Variants in KLHL1 observed in about 807,000 individuals in gnomAD.
KLHL1 encodes the protein kelch-like protein 1.
Under a neutral mutation model 77.7 loss-of-function variants are expected in KLHL1, and 47 were observed. The ratio of observed to expected loss-of-function variants is 0.60; its 90% CI spans 0.48 to 0.77. The LOEUF is 0.77. Ranked by LOEUF, KLHL1 falls within the 30% of genes least tolerant of loss-of-function variation. KLHL1 has a pLI of 0.00. For synonymous variants in KLHL1, 360 were observed against 325.2 expected (o/e 1.11, Z -1.15); for missense variants, 925 against 910.8 (o/e 1.02, Z -0.20).
intron 1 of KLHL1, among the ~76,000 whole-genome samples, chr13:69,984,786 A>T (rs1300309529): frequency 6.6e-6 from 1 of 152,086 alleles, no homozygotes; most frequent in Non-Finnish European, 1.5e-5. Flanking sequence ...ACCCCAAACA[A>T]TGCCACTTCA....
intron 1 of KLHL1, among the ~76,000 whole-genome samples, chr13:70,098,904 T>C (rs1887855878): frequency 6.6e-6 from 1 of 151,906 alleles, no homozygotes; most frequent in Non-Finnish European, 1.5e-5. Flanking sequence ...TTTTCCATTT[T>C]TTAGGACACC....
At chr13:69,936,780 T>C (rs1210101809) in intron 4 of KLHL1, among the ~76,000 whole-genome samples, 1 of 152,034 alleles carries the variant, frequency 6.6e-6, no homozygotes, top group Non-Finnish European at 1.5e-5. Context: ...ACTGAAGATT[T>C]CAACCTTCAT....
chr13:69,939,422 T>C (rs1369320383), intron 4 of KLHL1, among the ~76,000 whole-genome samples: 2 of 132,770 alleles, frequency 1.5e-5, no homozygotes, highest in Non-Finnish European at 3.2e-5. Flanking sequence ...AAGGGAAAAA[T>C]ATAAAATAGG....
At chr13:69,876,551 A>G (rs74573917) in intron 5 of KLHL1, among the ~76,000 whole-genome samples, 3,829 of 152,300 alleles carry the variant, frequency 0.025, 54 homozygotes, top group Admixed American at 0.038. Flanking sequence ...ATTAAACCAT[A>G]TTCCTCTAAA....
At chr13:70,021,603 A>G (rs1180582943) in intron 1 of KLHL1, among the ~76,000 whole-genome samples, 1 of 152,070 alleles carries the variant, frequency 6.6e-6, no homozygotes, top group Non-Finnish European at 1.5e-5. Context: ...CTCCCAAAGT[A>G]GCTGTGCTAT....
At chr13:69,972,556 T>C (rs964790641) in intron 2 of KLHL1, among the ~76,000 whole-genome samples, 1 of 151,860 alleles carries the variant, frequency 6.6e-6, no homozygotes, top group Non-Finnish European at 1.5e-5. Context: ...CACCCCTTCT[T>C]TCCTCATTAT....
rs544665101 is a variant in KLHL1, at chr13:69,800,956, ATT to A, written c.1415-3996_1415-3995del. The stretch of plus-strand genomic sequence containing the variant: ...TGAAAGTTTACTTTAAGACATAATT[ATT>A]TTAGGGTTACTCTGTTAATGAAGCC... On this transcript the variant is annotated intron_variant, in intron 6 of 10. Transcript: ENST00000377844. Among the ~76,000 whole-genome samples, 354 of 152,298 alleles carry A rather than the reference ATT, an allele frequency of 2.3e-3. 3 individuals carry two copies. Among genetic ancestry groups the A allele is most frequent in the Non-Finnish European group, 3.2e-3 (218 of 68,020 alleles).
intron 7 of KLHL1, among the ~76,000 whole-genome samples, chr13:69,780,698 A>ATG (rs1876106758): frequency 4.6e-5 from 1 of 21,806 alleles, no homozygotes; most frequent in Non-Finnish European, 9.0e-5. Flanking sequence ...ATATATATAT[A>ATG]TATGTATATA....
intron 1 of KLHL1, among the ~76,000 whole-genome samples, chr13:70,069,950 C>T (rs779781061): frequency 2.7e-4 from 41 of 151,974 alleles, no homozygotes; most frequent in Non-Finnish European, 4.4e-4. Flanking sequence ...AGGCAGATCA[C>T]GAGGTCAGTA....
chr13:70,081,876 C>G (rs1156481398), intron 1 of KLHL1, among the ~76,000 whole-genome samples: 1 of 152,078 alleles, frequency 6.6e-6, no homozygotes, highest in African/African-American at 2.4e-5. Flanking sequence ...GAATGGAAAA[C>G]TAATAGAGTT....
intron 6 of KLHL1, among the ~76,000 whole-genome samples, chr13:69,805,282 A>G (rs1877569636): frequency 6.6e-6 from 1 of 151,964 alleles, no homozygotes; most frequent in South Asian, 2.1e-4. Context: ...GTTTACCATT[A>G]AACTTAATGC....
In KLHL1 at chr13:69,966,119, A is replaced by G. The variant is rs1884203778; in HGVS notation, c.681-4675T>C. ...GCTGCAGCTTCTGTGATCATTGATG[A>G]AAGTGGCTACACTAAACAATAAATT... On this transcript the variant is annotated intron_variant, in intron 2 of 10. Coordinates refer to ENST00000377844, the MANE Select transcript of KLHL1 (RefSeq NM_020866.3). Among the ~76,000 whole-genome samples, 2 of 152,166 alleles carry G rather than the reference A, an allele frequency of 1.3e-5. 1 individual carries two copies. The highest frequency in any genetic ancestry group is 4.1e-4 in the South Asian group (2 of 4,834).
intron 4 of KLHL1, among the ~76,000 whole-genome samples, chr13:69,895,586 C>T (rs1025969256): frequency 1.6e-4 from 25 of 152,092 alleles, no homozygotes; most frequent in Non-Finnish European, 1.5e-5. Flanking sequence ...TTCTGGAGGT[C>T]AGAAGTGCAG....
In KLHL1 at chr13:69,996,910, A is replaced by ATTTTTTTTTTTTTTTT. The variant is rs10549532; in HGVS notation, c.498-21124_498-21109dup. On this transcript the variant is annotated intron_variant, in intron 1 of 10. Coordinates refer to ENST00000377844, the MANE Select transcript of KLHL1 (RefSeq NM_020866.3). ...GAAAAGTTCTTATTTTATTCATTAA[A>ATTTTTTTTTTTTTTTT]TTTTTTTTTTTTTTTTTTTTTTTTT... Among the ~76,000 whole-genome samples the ATTTTTTTTTTTTTTTT allele has an allele frequency of 4.2e-4, 30 of 71,236 alleles. 1 individual carries two copies. The highest frequency in any genetic ancestry group is 7.3e-4 in the African/African-American group (13 of 17,764). 46.7% of individuals were successfully genotyped at this position (71,236 alleles called of 152,430 possible). A position where few individuals can be genotyped will look rare whatever the true frequency, so the allele number is the denominator to read the frequency against.
intron 4 of KLHL1, among the ~76,000 whole-genome samples, chr13:69,908,862 A>C (rs562838478): frequency 9.5e-4 from 143 of 151,074 alleles, no homozygotes; most frequent in African/African-American, 3.2e-3. Flanking sequence ...AACATTTTAC[A>C]GTGTTAAAAG....
At chr13:69,812,841 T>C (rs1877943912) in intron 6 of KLHL1, among the ~76,000 whole-genome samples, 1 of 148,690 alleles carries the variant, frequency 6.7e-6, no homozygotes, top group African/African-American at 2.5e-5. Context: ...CTGGAGAGGA[T>C]GTGGAGAAAT....
intron 5 of KLHL1, among the ~76,000 whole-genome samples, chr13:69,857,502 GAATA>G (rs1593893328): frequency 6.6e-6 from 1 of 152,008 alleles, no homozygotes; most frequent in Admixed American, 6.6e-5. Flanking sequence ...GTATGGTGAT[GAATA>G]AATAATACGT....
intron 1 of KLHL1, among the ~76,000 whole-genome samples, chr13:69,979,299 G>T (rs1460134037): frequency 6.6e-6 from 1 of 151,802 alleles, no homozygotes; most frequent in African/African-American, 2.4e-5. Flanking sequence ...TCAGATAAAT[G>T]GTTATGTTTG....
chr13:69,967,745 C>T (rs1306838210), intron 2 of KLHL1, among the ~76,000 whole-genome samples: 4 of 151,918 alleles, frequency 2.6e-5, no homozygotes, highest in South Asian at 2.1e-4. Flanking sequence ...ATTAGATGGG[C>T]GTGGTGGCGC....
Sources: allele counts gnomAD v4.1 joint callset (sites outside exome capture counted in the v4.1 genomes callset), GRCh38; gene constraint gnomAD v4.1.1; transcripts MANE v1.5; gene names NCBI Gene and HGNC (gene_info 2026-07-23, HGNC 2026-07-21).